Variants in ARMCX4 observed in about 807,000 individuals in gnomAD.
ARMCX4 encodes armadillo repeat-containing X-linked protein 4.
Under a neutral mutation model 34.7 loss-of-function variants are expected in ARMCX4, and 3 were observed. The observed-to-expected ratio is 0.09, with a 90% CI of 0.04 to 0.22. ARMCX4 has a LOEUF of 0.22. Among genes scored for constraint, ARMCX4 ranks in the 10% least tolerant of loss-of-function variants. The probability of loss-of-function intolerance (pLI) is 1.00; values close to 1 mark genes in which losing one functional copy is unlikely to be tolerated. For synonymous variants in ARMCX4, 513 were observed against 632.8 expected, an observed-to-expected ratio of 0.81 and a Z score of 2.84; for missense variants, 1,448 against 1,720.8, an observed-to-expected ratio of 0.84 and a Z score of 2.81.
chrX:101,434,603 A>AT (rs1173990671), intron 2 of ARMCX4, among the ~76,000 whole-genome samples: 186 of 108,625 alleles, frequency 1.7e-3, no homozygotes, highest in Non-Finnish European at 2.7e-3. Context: ...AGGGACTAAC[A>AT]TTTTTTTTTA....
chrX:101,527,507 AC>A (rs781834684), intron 11 of ARMCX4, among the ~76,000 whole-genome samples: 46 of 111,829 alleles, frequency 4.1e-4, no homozygotes, highest in African/African-American at 1.5e-3. Flanking sequence ...AAATAGAGAC[AC>A]AAAAAACATT....
At position 101,488,440 on chromosome X, in the gene ARMCX4, C is replaced by G; in HGVS notation, c.-146-4C>G. On this transcript the variant is annotated splice_polypyrimidine_tract_variant and splice_region_variant and intron_variant, in intron 5 of 5. Transcript: ENST00000423738. ...TTTAGTCCATTTCCTTCCTCCACTT[C>G]TAGGTCCACCTCCAGAGGCAGCTGT... 1.8e-6 allele frequency: 2 copies of G among 1,099,868 alleles called. No individual in the cohort carries two copies. Among genetic ancestry groups the G allele is most frequent in the Non-Finnish European group, 2.4e-6 (2 of 846,963 alleles). 90.6% of individuals were successfully genotyped at this position (1,099,868 alleles called of 1,213,427 possible). A position where few individuals can be genotyped will look rare whatever the true frequency, so the allele number is the denominator to read the frequency against.
Position 101,488,047 on chromosome X carries a change from G to T in ARMCX4, c.-199G>T. 2 of 940,855 alleles carry T rather than the reference G, an allele frequency of 2.1e-6. No individual in the cohort carries two copies. The highest frequency in any genetic ancestry group is 4.0e-5 in the South Asian group (2 of 49,800). 77.5% of individuals were successfully genotyped at this position (940,855 alleles called of 1,213,427 possible). On this transcript the variant is annotated 5_prime_UTR_variant, in exon 5 of 6. Transcript: ENST00000423738. ...TGAATTTATGTATCTACTTTAGGGTGTACTGCCAAGAGAAGCAAGAGGAGA... is the reference window on the plus strand; with the variant it reads ...TGAATTTATGTATCTACTTTAGGGTTTACTGCCAAGAGAAGCAAGAGGAGA...
At chrX:101,522,475 C>A (rs1260442043) in intron 11 of ARMCX4, among the ~76,000 whole-genome samples, 1 of 111,838 alleles carries the variant, frequency 8.9e-6, no homozygotes, top group Non-Finnish European at 1.9e-5. Flanking sequence ...AGTGTTTAAT[C>A]CATTTATATT....
intron 11 of ARMCX4, among the ~76,000 whole-genome samples, chrX:101,518,289 A>C (rs1432300582): frequency 8.9e-6 from 1 of 111,979 alleles, no homozygotes; most frequent in Non-Finnish European, 1.9e-5. Context: ...AGTTCAAGGT[A>C]ATGTGAACAC....
chrX:101,423,115 G>A lies in ARMCX4; in HGVS notation n.164+4115G>A, dbSNP rs183102588. On this transcript the variant is annotated intron_variant and non_coding_transcript_variant, in intron 2 of 3. Coordinates refer to the ARMCX4 transcript ENST00000430461. ...ACTAGAGACAATGTTTCACCATGTT[G>A]GCCAGGCTGGTCTTGAACTCCTGAC... Among the ~76,000 whole-genome samples, 7 of 107,791 alleles carry A rather than the reference G, an allele frequency of 6.5e-5. No individual in the cohort carries two copies. The East Asian group carries it at 1.2e-3, about 19-fold the overall frequency. The allele number at this position is 107,791 out of a possible 115,157, so 93.6% of individuals were successfully genotyped here. A position where few individuals can be genotyped will look rare whatever the true frequency, so the allele number is the denominator to read the frequency against.
Position 101,489,578 on chromosome X carries a change from C to A in ARMCX4, c.989C>A (p.Thr330Asn). ...CCTCAAATTTTTGCCAAAACCCAGA[C>A]TGAGGCCATTCCTGGGGCAAAGATT... Reference protein sequence around the residue: ...AQPQIFAKTQTEAIPGAKIDA... With the variant: ...AQPQIFAKTQNEAIPGAKIDA... Residue 330 changes from threonine to asparagine, a missense_variant, in exon 6 of 6, where the codon ACT (threonine) becomes AAT (asparagine). Physicochemically the swap from Thr to Asn is moderately conservative, Grantham distance 65 (BLOSUM62 0). Transcript: ENST00000423738. 8.7e-7 allele frequency: 1 copy of A among 1,154,818 alleles called. No individual in the cohort carries two copies. Among genetic ancestry groups the A allele is most frequent in the Non-Finnish European group, 1.1e-6 (1 of 872,443 alleles).
At position 101,489,509 on chromosome X, in the gene ARMCX4, T is replaced by C; in HGVS notation, c.920T>C (p.Met307Thr). The change falls in exon 6 of 6, where the codon ATG becomes ACG. Residue 307 changes from methionine (M) to threonine (T), a missense_variant. Met to Thr is a moderately conservative substitution (Grantham distance 81). This residue lies in a region of ARMCX4 where 1,343 missense variants were observed against 1,540.7 expected (regional missense o/e 0.87). Coordinates refer to ENST00000423738, the MANE Select transcript of ARMCX4 (RefSeq NM_001256155.3). ...GVEDMGNCKT[M>T]SRAESGADTR... ...GAGGACATGGGGAATTGTAAAACCATGTCTAGGGCAGAGTCTGGGGCAGAC... is the reference window on the plus strand; with the variant it reads ...GAGGACATGGGGAATTGTAAAACCACGTCTAGGGCAGAGTCTGGGGCAGAC... 8.7e-7 allele frequency: 1 copy of C among 1,155,378 alleles called. No individual in the cohort carries two copies. Among genetic ancestry groups the C allele is most frequent in the South Asian group, 1.9e-5 (1 of 52,708 alleles).
intron 2 of ARMCX4, among the ~76,000 whole-genome samples, chrX:101,423,650 G>A (rs1411779510): frequency 9.1e-6 from 1 of 110,075 alleles, no homozygotes; most frequent in Non-Finnish European, 1.9e-5. Context: ...AAATAAAAAA[G>A]TATCTTTTGC....
chrX:101,418,590 G>A (rs1291973177), intron 1 of ARMCX4, among the ~76,000 whole-genome samples: 1 of 111,173 alleles, frequency 9.0e-6, no homozygotes, highest in African/African-American at 3.3e-5. Context: ...AGGAAGGGCC[G>A]GCCCCAGCTG....
chrX:101,454,297 A>G (rs183493650), intron 4 of ARMCX4, among the ~76,000 whole-genome samples: 4 of 100,858 alleles, frequency 4.0e-5, no homozygotes, highest in Middle Eastern at 5.0e-3. Context: ...TTTTTTTGAG[A>G]TGGAGTCTCG....
At chrX:101,436,833 T>C (rs1603109324) in intron 2 of ARMCX4, among the ~76,000 whole-genome samples, 1 of 111,864 alleles carries the variant, frequency 8.9e-6, no homozygotes, top group Admixed American at 9.6e-5. Context: ...ATACCTAATT[T>C]ATTGAGAGTT....
chrX:101,480,671 C>A (rs1372748689), upstream of ARMCX4, among the ~76,000 whole-genome samples: 1 of 111,693 alleles, frequency 9.0e-6, no homozygotes, highest in African/African-American at 3.3e-5. Flanking sequence ...AACTAATATA[C>A]AGAAATGTGT....
chrX:101,453,392 T>C (rs1258483285), intron 4 of ARMCX4, among the ~76,000 whole-genome samples: 1 of 112,217 alleles, frequency 8.9e-6, no homozygotes, highest in South Asian at 3.7e-4. Flanking sequence ...CTTCTCAAAC[T>C]GAAATGTGTA....
intron 4 of ARMCX4, among the ~76,000 whole-genome samples, chrX:101,479,950 T>C (rs903297451): frequency 6.3e-5 from 7 of 110,724 alleles, no homozygotes; most frequent in African/African-American, 2.3e-4. Flanking sequence ...AACGACACCA[T>C]GTAAAAGTGT....
In ARMCX4 at chrX:101,494,789, A is replaced by G. The variant is rs1290659661; in HGVS notation, c.6200A>G (p.Tyr2067Cys). The G allele has an allele frequency of 6.1e-6, 7 of 1,152,878 alleles. No individual in the cohort carries two copies. The East Asian group carries it at 1.3e-4, about 21-fold the overall frequency. Residue 2067 changes from tyrosine (Y) to cysteine (C), a missense_variant, in exon 6 of 6, where the codon TAT (tyrosine) becomes TGT (cysteine). By Grantham distance (194) the Tyr-to-Cys change is radical (BLOSUM62 -2). This residue lies in a region of ARMCX4 where 105 missense variants were observed against 180.2 expected (regional missense o/e 0.58). Transcript: ENST00000423738. The part of the protein sequence containing the change: ...SVHEIANNAL[Y>C]NSADYSYSHE... ...CATGAAATAGCCAATAATGCTTTAT[A>G]TAACAGTGCTGATTATTCTTATTCT...
At chrX:101,483,343 T>C (rs1933551009), upstream of ARMCX4, among the ~76,000 whole-genome samples, 1 of 111,919 alleles carries the variant, frequency 8.9e-6, no homozygotes, top group African/African-American at 3.2e-5. Flanking sequence ...ATAGTTATCA[T>C]TTAATAGAGT....
intron 2 of ARMCX4, among the ~76,000 whole-genome samples, chrX:101,443,477 G>A (rs1455269545): frequency 8.9e-6 from 1 of 112,131 alleles, no homozygotes; most frequent in Non-Finnish European, 1.9e-5. Context: ...AAATTATGCA[G>A]TCTAAGTATT....
chrX:101,496,938 T>C (rs1934191148), downstream of ARMCX4, among the ~76,000 whole-genome samples: 1 of 111,833 alleles, frequency 8.9e-6, no homozygotes, highest in East Asian at 2.8e-4. Context: ...TTTTGAAGGG[T>C]GAAAAGTTGT....
Sources: gnomAD v4.1 joint callset for allele counts (sites outside exome capture counted in the v4.1 genomes callset) on GRCh38, gnomAD v4.1.1 for gene constraint, gnomAD v4.1.1 regional missense constraint, MANE v1.5 for transcripts, NCBI Gene and HGNC (gene_info 2026-07-23, HGNC 2026-07-21) for gene names.